AGBL5: variants seen among roughly 807,000 people sequenced by gnomAD.
AGBL5 encodes cytosolic carboxypeptidase-like protein 5.
A neutral mutation model predicts 88.0 loss-of-function variants in AGBL5; 51 were observed. The observed-to-expected ratio is 0.58, with a 90% CI of 0.46 to 0.73. AGBL5 has a LOEUF of 0.73. Among genes scored for constraint, AGBL5 ranks in the 30% least tolerant of loss-of-function variants. The probability of loss-of-function intolerance (pLI) is 0.00; values close to 1 mark genes in which losing one functional copy is unlikely to be tolerated. For missense variants in AGBL5, 1,031 were observed against 1,162.2 expected (o/e 0.89, Z 1.64); for synonymous variants, 446 against 438.8 (o/e 1.02, Z -0.21).
Position 27,058,516 on chromosome 2 carries a change from T to A in AGBL5, c.1788T>A (p.His596Gln). The A allele has an allele frequency of 6.2e-7, 1 of 1,614,160 alleles. No individual in the cohort carries two copies. Among genetic ancestry groups the A allele is most frequent in the Admixed American group, 1.7e-5 (1 of 60,026 alleles). Reference protein sequence around the residue: ...LTNLRAWMLKHVRNSRGLSST... With the variant: ...LTNLRAWMLKQVRNSRGLSST... ...ATCTACGGGCCTGGATGCTGAAACA[T>A]GTACGCAACAGCCGAGGCCTAAGCA... is the stretch of plus-strand genomic sequence containing the variant. The change falls in exon 10 of 15, where the codon CAT becomes CAA. Residue 596 changes from histidine to glutamine, a missense_variant. This residue lies in a region of AGBL5 where 491 missense variants were observed against 484.0 expected (regional missense o/e 1.01). Transcript: ENST00000360131.
At chr2:27,051,294 T>C (rs566710716), upstream of AGBL5, 8 of 152,298 alleles carry the variant, frequency 5.3e-5, no homozygotes, top group South Asian at 2.1e-4. Flanking sequence ...CCACTCAGCT[T>C]TTGCGTCCGT....
intron 13 of AGBL5, chr2:27,068,972 G>A: frequency 6.7e-7 from 1 of 1,484,230 alleles, no homozygotes. Flanking sequence ...GTCCCTGCCA[G>A]ATATACCCCA....
intron 11 of AGBL5, among the ~76,000 whole-genome samples, chr2:27,062,157 CTT>C (rs1182232810): frequency 8.2e-6 from 1 of 122,596 alleles, no homozygotes; most frequent in South Asian, 2.7e-4. Context: ...GAATTTCACT[CTT>C]GTTGCCCAGG....
chr2:27,059,297 T>G lies in AGBL5; in HGVS notation c.1982T>G (p.Met661Arg). The G allele has an allele frequency of 6.2e-7, 1 of 1,614,158 alleles. No individual in the cohort carries two copies. The highest frequency in any genetic ancestry group is 8.5e-7 in the Non-Finnish European group (1 of 1,180,018). Residue 661 changes from methionine to arginine, a missense_variant, in exon 11 of 15, where the codon ATG becomes AGG. Coordinates refer to ENST00000360131, the MANE Select transcript of AGBL5 (RefSeq NM_021831.6). Reference sequence around the variant, plus strand: ...AGCAGCCAACAAAATTCTCCACAGATGAAGAATTCCCCCAGCTTTCCTTTT... The same window carrying G: ...AGCAGCCAACAAAATTCTCCACAGAGGAAGAATTCCCCCAGCTTTCCTTTT... Reference protein sequence around the residue: ...SSSSQQNSPQMKNSPSFPFHG... With the variant: ...SSSSQQNSPQRKNSPSFPFHG...
chr2:27,067,839 A>G (rs1669073633), intron 12 of AGBL5, 193 bp downstream of exon 12: 2 of 696,124 alleles, frequency 2.9e-6, no homozygotes, highest in Admixed American at 4.3e-5. Flanking sequence ...GTTAACATTT[A>G]CTGAACATTT....
At position 27,055,082 on chromosome 2, in the gene AGBL5, T is replaced by C; in HGVS notation, c.737T>C (p.Phe246Ser). 6.2e-7 allele frequency: 1 copy of C among 1,613,950 alleles called. No individual in the cohort carries two copies. Among genetic ancestry groups the C allele is most frequent in the Non-Finnish European group, 8.5e-7 (1 of 1,179,808 alleles). ...CTCTCCTCTCTACCTCAGATATTCT[T>C]CTTAAGCAGTAGAGTACACCCAGGG... ...PFRFAGKRIF[F>S]LSSRVHPGET... The change falls in exon 6 of 15, where the codon TTC becomes TCC. Residue 246 changes from phenylalanine to serine, a missense_variant. Phe to Ser is a radical substitution (Grantham distance 155). Transcript: ENST00000360131.
rs1374377314 is a variant in AGBL5, at chr2:27,056,632, A to T, written c.1375A>T (p.Met459Leu). 1 of 1,600,004 alleles carries T rather than the reference A, an allele frequency of 6.2e-7. No individual in the cohort carries two copies. Among genetic ancestry groups the T allele is most frequent in the Admixed American group, 1.7e-5 (1 of 58,858 alleles). The change falls in exon 8 of 15, where the codon ATG becomes TTG. Residue 459 changes from methionine (M) to leucine (L), a missense_variant. By Grantham distance (15) the Met-to-Leu change is conservative. Transcript: ENST00000360131. ...FSDESTQVEN[M>L]LYPKLISLNS... ...TTTCTTCCCCAAACAGGTGGAAAAC[A>T]TGCTATATCCAAAGCTCATCTCCTT... is the stretch of plus-strand genomic sequence containing the variant.
At chr2:27,062,227 G>A (rs1052799591) in intron 11 of AGBL5, among the ~76,000 whole-genome samples, 1 of 149,492 alleles carries the variant, frequency 6.7e-6, no homozygotes, top group Admixed American at 6.8e-5. Flanking sequence ...AAGTTCAAGT[G>A]ATTATCCTGC....
intron 11 of AGBL5, among the ~76,000 whole-genome samples, chr2:27,064,083 T>C (rs1668857018): frequency 6.6e-6 from 1 of 152,206 alleles, no homozygotes; most frequent in African/African-American, 2.4e-5. Flanking sequence ...ATCAAGTTCA[T>C]GATTTCTGCC....
chr2:27,058,525 C>T lies in AGBL5; in HGVS notation c.1797C>T (p.Asn599=), dbSNP rs1455359739. Residue 599 remains asparagine, a synonymous_variant, in exon 10 of 15, where the codon AAC becomes AAT. Coordinates refer to ENST00000360131, the MANE Select transcript of AGBL5 (RefSeq NM_021831.6). ...LRAWMLKHVR[N]SRGLSSTLNV... is the part of the protein sequence containing the mutation. ...CCTGGATGCTGAAACATGTACGCAA[C>T]AGCCGAGGCCTAAGCAGCACTCTGA... The T allele has an allele frequency of 1.9e-6, 3 of 1,614,226 alleles. No homozygotes were observed. The highest frequency in any genetic ancestry group is 2.5e-6 in the Non-Finnish European group (3 of 1,180,056).
At chr2:27,057,572 T>C in intron 9 of AGBL5, 134 bp downstream of exon 9, 1 of 1,105,376 alleles carries the variant, frequency 9.0e-7, no homozygotes, top group East Asian at 2.7e-5. Flanking sequence ...ATGATTATTT[T>C]CCTCAGTTAA....
intron 14 of AGBL5, 57 bp from the exon 15 acceptor site, chr2:27,070,035 G>C (rs58451392): frequency 1.3e-6 from 2 of 1,569,246 alleles, no homozygotes; most frequent in African/African-American, 1.4e-5. Flanking sequence ...CTGGTTAGCA[G>C]AACAGAAGAG....
chr2:27,060,166 TG>T (rs1232675000), intron 11 of AGBL5, among the ~76,000 whole-genome samples: 7 of 152,000 alleles, frequency 4.6e-5, no homozygotes, highest in Non-Finnish European at 1.0e-4. Flanking sequence ...GAAAAGAAAG[TG>T]ATATCAGAAG....
In AGBL5 at chr2:27,056,129, G is replaced by C; in HGVS notation, c.1356G>C (p.Glu452Asp). 2 of 1,610,036 alleles carry C rather than the reference G, an allele frequency of 1.2e-6. No homozygotes were observed. The highest frequency in any genetic ancestry group is 8.5e-7 in the Non-Finnish European group (1 of 1,176,860). ...TGTACGGAAACAGCTTTAGTGATGAGAGCACCCAGGTGGGAATCCTAAGAA... is the reference window on the plus strand; with the variant it reads ...TGTACGGAAACAGCTTTAGTGATGACAGCACCCAGGTGGGAATCCTAAGAA... Reference protein sequence around the residue: ...CFMYGNSFSDESTQVENMLYP... With the variant: ...CFMYGNSFSDDSTQVENMLYP... The change falls in exon 7 of 15, where the codon GAG becomes GAC. Residue 452 changes from glutamate to aspartate, a missense_variant. By Grantham distance (45) the Glu-to-Asp change is conservative (BLOSUM62 2). Transcript: ENST00000360131.
chr2:27,058,526 A>G lies in AGBL5; in HGVS notation c.1798A>G (p.Ser600Gly), dbSNP rs766897514. 2 of 1,614,220 alleles carry G rather than the reference A, an allele frequency of 1.2e-6. No individual in the cohort carries two copies. Residue 600 changes from serine to glycine, a missense_variant, in exon 10 of 15, where the codon AGC becomes GGC. Ser to Gly is a moderately conservative substitution (Grantham distance 56). Transcript: ENST00000360131. Reference protein sequence around the residue: ...RAWMLKHVRNSRGLSSTLNVG... With the variant: ...RAWMLKHVRNGRGLSSTLNVG... ...CTGGATGCTGAAACATGTACGCAAC[A>G]GCCGAGGCCTAAGCAGCACTCTGAA...
At position 27,055,607 on chromosome 2, in the gene AGBL5, C is replaced by T. The variant is rs1668386971; in HGVS notation, c.909-75C>T. On this transcript the variant is annotated intron_variant, in intron 6 of 14. Coordinates refer to ENST00000360131, the MANE Select transcript of AGBL5 (RefSeq NM_021831.6). Reference sequence around the variant, plus strand: ...TTGATAAGTCAGTCTCCTACGGTCTCCTTTTCATCTACACTAGTGTCTCCT... The same window carrying T: ...TTGATAAGTCAGTCTCCTACGGTCTTCTTTTCATCTACACTAGTGTCTCCT... 5 of 1,367,036 alleles carry T rather than the reference C, an allele frequency of 3.7e-6. No homozygotes were observed. In the African/African-American group the frequency reaches 7.2e-5, roughly 20 times the overall value. The allele number at this position is 1,367,036 out of a possible 1,614,324, so 84.7% of individuals were successfully genotyped here.
At chr2:27,066,435 A>G (rs918721413) in intron 11 of AGBL5, among the ~76,000 whole-genome samples, 3 of 152,192 alleles carry the variant, frequency 2.0e-5, no homozygotes, top group Admixed American at 1.3e-4. Flanking sequence ...TGGGAAAAAA[A>G]TCTCCAGTGG....
intron 13 of AGBL5, 82 bp from the exon 14 acceptor site, chr2:27,069,491 T>G: frequency 1.3e-6 from 2 of 1,567,436 alleles, no homozygotes; most frequent in South Asian, 2.3e-5. Flanking sequence ...AACACTCTTA[T>G]GCATGGAAAC....
In AGBL5 at chr2:27,053,746, TAGA is replaced by T; in HGVS notation, c.388-147_388-145del. 1 of 1,379,650 alleles carries T rather than the reference TAGA, an allele frequency of 7.2e-7. No homozygotes were observed. Among genetic ancestry groups the T allele is most frequent in the Non-Finnish European group, 9.8e-7 (1 of 1,024,772 alleles). The allele number at this position is 1,379,650 out of a possible 1,614,324, so 85.5% of individuals were successfully genotyped here. On this transcript the variant is annotated intron_variant, in intron 3 of 14. Transcript: ENST00000360131. The surrounding 1 kb of genome is among the most constrained non-coding windows in gnomAD (Gnocchi z 4.9). ...AGATGAGCCCCTGCCTCAGGAAGCC[TAGA>T]AGGAGCCACTTTTCATATAGAAAGT...
Sources: gnomAD v4.1 joint callset for allele counts (sites outside exome capture counted in the v4.1 genomes callset) on GRCh38, gnomAD v4.1.1 for gene constraint, gnomAD v4.1.1 regional missense constraint, Gnocchi (gnomAD v3.1) non-coding constraint, MANE v1.5 for transcripts, NCBI Gene and HGNC (gene_info 2026-07-23, HGNC 2026-07-21) for gene names.